RBM27: variants seen among roughly 807,000 people sequenced by gnomAD.
RBM27 encodes RNA-binding protein 27.
A neutral mutation model predicts 135.3 loss-of-function variants in RBM27; 22 were observed. The observed-to-expected ratio is 0.16, with a 90% CI of 0.12 to 0.23. RBM27 has a LOEUF of 0.23. Ranked by LOEUF, RBM27 falls within the 10% of genes least tolerant of loss-of-function variation. The pLI is 1.00. For missense variants in RBM27, 1,009 were observed against 1,281.0 expected, an observed-to-expected ratio of 0.79 and a Z score of 3.24; for synonymous variants, 481 against 442.4, an observed-to-expected ratio of 1.09 and a Z score of -1.10.
chr5:146,203,859 G>T (rs887748814), intron 1 of RBM27, 35 bp downstream of exon 1: 2 of 1,531,458 alleles, frequency 1.3e-6, no homozygotes, highest in Middle Eastern at 2.2e-4. Flanking sequence ...GCCGGCGAAC[G>T]TGGGCGTTGG....
intron 1 of RBM27, among the ~76,000 whole-genome samples, chr5:146,208,122 A>G (rs1298634694): frequency 1.3e-5 from 2 of 151,450 alleles, no homozygotes; most frequent in Non-Finnish European, 2.9e-5. Context: ...ACGCCCAGCT[A>G]ATTTTTGTAT....
chr5:146,226,979 T>G (rs1488894446), intron 3 of RBM27, among the ~76,000 whole-genome samples: 1 of 152,240 alleles, frequency 6.6e-6, no homozygotes, highest in African/African-American at 2.4e-5. Context: ...GGCACACATC[T>G]TTGGCTAATT....
chr5:146,247,703 T>A (rs1319113457), intron 8 of RBM27, among the ~76,000 whole-genome samples: 6 of 152,178 alleles, frequency 3.9e-5, no homozygotes, highest in Non-Finnish European at 8.8e-5. Context: ...AAAATTCAAT[T>A]TTTTTCTTTT....
chr5:146,275,262 AT>A (rs922922861), intron 19 of RBM27, among the ~76,000 whole-genome samples: 9 of 151,116 alleles, frequency 6.0e-5, no homozygotes, highest in Non-Finnish European at 5.9e-5. Flanking sequence ...TTTAATTTTA[AT>A]TTTTTTTTAT....
intron 1 of RBM27, among the ~76,000 whole-genome samples, chr5:146,206,076 AATACATCTCT>A (rs1347574539): frequency 5.9e-5 from 9 of 152,250 alleles, no homozygotes; most frequent in African/African-American, 2.2e-4. Context: ...AAAAAGAAAA[AATACATCTCT>A]TTATTTTGTA....
intron 11 of RBM27, among the ~76,000 whole-genome samples, chr5:146,260,076 G>C (rs1342273351): frequency 1.3e-5 from 2 of 150,504 alleles, no homozygotes; most frequent in Non-Finnish European, 3.0e-5. Context: ...GAGACGGGTA[G>C]ATCACCGACG....
intron 15 of RBM27, 93 bp from the exon 16 acceptor site, chr5:146,269,114 A>G: frequency 1.3e-6 from 1 of 749,204 alleles, no homozygotes; most frequent in Non-Finnish European, 2.2e-6. Flanking sequence ...TTTTATTAGG[A>G]GGACAGTCTG....
rs1421409387 is a variant in RBM27 at position 146,255,064 on chromosome 5, A to G, written c.1566A>G (p.Thr522=). 3 of 1,612,636 alleles carry G rather than the reference A, an allele frequency of 1.9e-6. No homozygotes were observed. The highest frequency in any genetic ancestry group is 2.7e-5 in the African/African-American group (2 of 74,886). ...QTQRPNLIGL[T]SGDMDVNPRA... is the part of the protein sequence containing the mutation. ...AGCGTCCCAATCTGATTGGCCTAACATCTGGAGATATGGATGTAAATCCAA... is the reference window on the plus strand; with the variant it reads ...AGCGTCCCAATCTGATTGGCCTAACGTCTGGAGATATGGATGTAAATCCAA... The change falls in exon 10 of 21, where the codon ACA becomes ACG. Residue 522 remains threonine (T), a synonymous_variant. Transcript: ENST00000265271.
At chr5:146,268,336 G>A (rs572221420) in intron 15 of RBM27, among the ~76,000 whole-genome samples, 2 of 151,218 alleles carry the variant, frequency 1.3e-5, no homozygotes, top group East Asian at 1.9e-4. Flanking sequence ...TCCGCCTCCT[G>A]GGTTCAAGCG....
chr5:146,223,579 A>G, intron 3 of RBM27, 52 bp downstream of exon 3: 1 of 1,553,174 alleles, frequency 6.4e-7, no homozygotes, highest in South Asian at 1.2e-5. Context: ...TCCTGTCACC[A>G]GTATCCTTAG....
chr5:146,269,305 C>T (rs1348905548), intron 16 of RBM27, 24 bp downstream of exon 16: 2 of 1,559,662 alleles, frequency 1.3e-6, no homozygotes, highest in Middle Eastern at 1.7e-4. Flanking sequence ...TCATTATTTG[C>T]ATGCTAGAAT....
At chr5:146,241,867 T>C (rs1390772141) in intron 8 of RBM27, among the ~76,000 whole-genome samples, 1 of 152,224 alleles carries the variant, frequency 6.6e-6, no homozygotes, top group Non-Finnish European at 1.5e-5. Flanking sequence ...TGAAAATATC[T>C]AATACTTTAA....
chr5:146,284,582 T>G, intron 19 of RBM27, 40 bp from the exon 20 acceptor site: 1 of 1,294,432 alleles, frequency 7.7e-7, no homozygotes, highest in Non-Finnish European at 1.1e-6. Context: ...ATTAGTAAAT[T>G]TGAGTGCAAA....
chr5:146,259,730 T>G (rs1758296251), intron 11 of RBM27, among the ~76,000 whole-genome samples: 2 of 151,218 alleles, frequency 1.3e-5, no homozygotes, highest in South Asian at 4.2e-4. Context: ...TCCCAGCACT[T>G]TGGGAGGCCA....
At chr5:146,220,898 G>T (rs1648705506) in intron 2 of RBM27, among the ~76,000 whole-genome samples, 1 of 152,078 alleles carries the variant, frequency 6.6e-6, no homozygotes, top group Non-Finnish European at 1.5e-5. Context: ...ATGTTTAGAC[G>T]TCCAAGAATT....
intron 1 of RBM27, among the ~76,000 whole-genome samples, chr5:146,216,949 C>G (rs1756221308): frequency 6.6e-6 from 1 of 152,050 alleles, no homozygotes; most frequent in Non-Finnish European, 1.5e-5. Context: ...CCACCAGGCC[C>G]AGCCTTGAGT....
rs749681519 is a variant in RBM27 at position 146,251,855 on chromosome 5, G to C, written c.1424G>C (p.Ser475Thr). The C allele has an allele frequency of 6.2e-7, 1 of 1,614,060 alleles. No homozygotes were observed. The highest frequency in any genetic ancestry group is 1.7e-5 in the Admixed American group (1 of 60,014). The change falls in exon 9 of 21, where the codon AGC (serine) becomes ACC (threonine). Residue 475 changes from serine to threonine, a missense_variant. Ser to Thr is a moderately conservative substitution (Grantham distance 58). Coordinates refer to ENST00000265271, the MANE Select transcript of RBM27 (RefSeq NM_018989.2). ...SSIGYHTSVS[S>T]PTPLVPDTYE... Reference sequence around the variant, plus strand: ...ATTGGATACCATACCTCAGTCTCCAGCCCTACCCCTCTGGTTCCAGGTAAG... The same window carrying C: ...ATTGGATACCATACCTCAGTCTCCACCCCTACCCCTCTGGTTCCAGGTAAG...
chr5:146,232,670 G>A (rs1442931777), intron 6 of RBM27, among the ~76,000 whole-genome samples: 1 of 152,076 alleles, frequency 6.6e-6, no homozygotes. Context: ...CTGGGTTCAA[G>A]TGATTCTCCT....
chr5:146,211,496 C>CTTTTTTTTTTTTTTTTTTTTTTTTTGT (rs1554077134), intron 1 of RBM27, among the ~76,000 whole-genome samples: 1 of 71,142 alleles, frequency 1.4e-5, no homozygotes, highest in Admixed American at 1.8e-4. Flanking sequence ...TTTTTTTTTA[C>CTTTTTTTTTTTTTTTTTTTTTTTTTGT]TTTGAGAGGA....
Sources: allele counts gnomAD v4.1 joint callset (sites outside exome capture counted in the v4.1 genomes callset), GRCh38; gene constraint gnomAD v4.1.1; transcripts MANE v1.5; gene names NCBI Gene and HGNC (gene_info 2026-07-23, HGNC 2026-07-21).